The following PCDHA7 variants were observed in gnomAD, a reference collection of about 807,000 sequenced individuals.
PCDHA7 encodes protocadherin alpha 7, also known as protocadherin alpha-7.
Under a neutral mutation model 57.2 loss-of-function variants are expected in PCDHA7, and 37 were observed. That is an observed-to-expected ratio of 0.65 (90% confidence interval 0.50 to 0.85). PCDHA7 has a LOEUF of 0.85. PCDHA7 is among the 40% of genes least tolerant of loss of function. PCDHA7 has a pLI of 0.00. For synonymous variants in PCDHA7, 553 were observed against 558.8 expected, an observed-to-expected ratio of 0.99 and a Z score of 0.15; for missense variants, 1,188 against 1,241.8, an observed-to-expected ratio of 0.96 and a Z score of 0.65.
rs200664126 is a variant in PCDHA7 at position 140,843,124 on chromosome 5, G to A, written c.2355+6386G>A. 390 of 1,595,868 alleles carry A rather than the reference G, an allele frequency of 2.4e-4. 33 individuals are homozygous for A. Among genetic ancestry groups the A allele is most frequent in the Non-Finnish European group, 2.8e-4 (332 of 1,165,564 alleles). ...AGGTGCGCGCAGTGGACGCCGACTCGGGCTACAACGCGTGGCTTTCGTATG... is the reference window on the plus strand; with the variant it reads ...AGGTGCGCGCAGTGGACGCCGACTCAGGCTACAACGCGTGGCTTTCGTATG... On this transcript the variant is annotated intron_variant, in intron 1 of 3. Coordinates refer to ENST00000525929, the MANE Select transcript of PCDHA7 (RefSeq NM_018910.3).
At chr5:140,945,393 T>G (rs2153669728) in intron 1 of PCDHA7, among the ~76,000 whole-genome samples, 1 of 152,208 alleles carries the variant, frequency 6.6e-6, no homozygotes, top group East Asian at 1.9e-4. Flanking sequence ...AATATACAAA[T>G]TCAATACAAT....
At chr5:141,002,456 A>G (rs2098081347) in intron 3 of PCDHA7, among the ~76,000 whole-genome samples, 1 of 152,242 alleles carries the variant, frequency 6.6e-6, no homozygotes, top group Non-Finnish European at 1.5e-5. Context: ...GCACATTTGT[A>G]TAACGCTTTA....
chr5:140,967,026 C>G, intron 1 of PCDHA7: 2 of 1,608,434 alleles, frequency 1.2e-6, no homozygotes, highest in East Asian at 4.5e-5. Flanking sequence ...GCGCCCAGTC[C>G]GCGCTACCTG....
intron 1 of PCDHA7, chr5:140,929,227 G>T (rs141300036): frequency 1.2e-6 from 2 of 1,613,774 alleles, no homozygotes; most frequent in Non-Finnish European, 1.7e-6. Context: ...CAATGCTGCC[G>T]ACCTGCGAAA....
At position 140,926,799 on chromosome 5, in the gene PCDHA7, T is replaced by G. The variant is rs561004739; in HGVS notation, c.2356-52150T>G. Reference sequence around the variant, plus strand: ...AGTGACGGCCGGCAGGAGCGTGCTCTTCCCCGCGGCTCGTGCTCTCCAGGA... The same window carrying G: ...AGTGACGGCCGGCAGGAGCGTGCTCGTCCCCGCGGCTCGTGCTCTCCAGGA... On this transcript the variant is annotated intron_variant, in intron 1 of 3. Transcript: ENST00000525929. The G allele has an allele frequency of 1.6e-4, 230 of 1,456,322 alleles. 2 individuals carry two copies. The African/African-American group carries it at 2.6e-3, about 16-fold the overall frequency. The allele number at this position is 1,456,322 out of a possible 1,614,324, so 90.2% of individuals were successfully genotyped here.
chr5:140,920,612 G>A (rs1389841013), intron 1 of PCDHA7, among the ~76,000 whole-genome samples: 3 of 152,092 alleles, frequency 2.0e-5, no homozygotes, highest in Non-Finnish European at 2.9e-5. Flanking sequence ...TTGGGAGGCC[G>A]AGGCGGATGG....
At chr5:140,969,253 C>T in intron 1 of PCDHA7, 3 of 1,614,202 alleles carry the variant, frequency 1.9e-6, no homozygotes, top group Non-Finnish European at 2.5e-6. Flanking sequence ...TGACTGACAG[C>T]AGGAATCTCA....
At chr5:140,959,935 T>C (rs2095518080) in intron 1 of PCDHA7, among the ~76,000 whole-genome samples, 2 of 152,178 alleles carry the variant, frequency 1.3e-5, no homozygotes, top group African/African-American at 4.8e-5. Context: ...CCCCATTACT[T>C]AGGCAGAATA....
At chr5:140,863,774 G>A (rs1581698877) in intron 1 of PCDHA7, 2 of 239,304 alleles carry the variant, frequency 8.4e-6, no homozygotes, top group African/African-American at 2.2e-5. Context: ...CGAGGCGGGC[G>A]GATCACTCGA....
intron 1 of PCDHA7, among the ~76,000 whole-genome samples, chr5:140,915,139 G>C (rs2153533338): frequency 6.6e-6 from 1 of 151,944 alleles, no homozygotes; most frequent in Non-Finnish European, 1.5e-5. Flanking sequence ...AGTAGAGACG[G>C]GGTTTCACCA....
chr5:140,942,448 A>C (rs140426253), intron 1 of PCDHA7, among the ~76,000 whole-genome samples: 3,563 of 152,146 alleles, frequency 0.023, 50 homozygotes, highest in Middle Eastern at 0.034. Flanking sequence ...CAAGTAAACT[A>C]TCAATTATAA....
At chr5:140,970,862 T>C (rs2153787404) in intron 1 of PCDHA7, among the ~76,000 whole-genome samples, 1 of 152,312 alleles carries the variant, frequency 6.6e-6, no homozygotes, top group South Asian at 2.1e-4. Flanking sequence ...GTTCCATTCC[T>C]GATTGAGAGT....
At chr5:140,947,854 A>G (rs2094183959) in intron 1 of PCDHA7, among the ~76,000 whole-genome samples, 1 of 151,504 alleles carries the variant, frequency 6.6e-6, no homozygotes, top group Non-Finnish European at 1.5e-5. Context: ...TTATTTTGTC[A>G]TTATAATGGC....
chr5:140,917,359 A>G (rs2078164580), intron 1 of PCDHA7, among the ~76,000 whole-genome samples: 3 of 142,606 alleles, frequency 2.1e-5, no homozygotes, highest in South Asian at 2.2e-4. Flanking sequence ...CTTCTGTTCC[A>G]CTATCTTGCT....
intron 1 of PCDHA7, chr5:140,875,191 C>A: frequency 4.0e-6 from 2 of 502,492 alleles, no homozygotes; most frequent in Non-Finnish European, 6.4e-6. Flanking sequence ...TAAGAGTGAC[C>A]CAGGAAGTGG....
intron 1 of PCDHA7, chr5:140,876,201 T>C: frequency 1.9e-6 from 3 of 1,613,952 alleles, no homozygotes; most frequent in Non-Finnish European, 1.7e-6. Flanking sequence ...CGGCGTTTGA[T>C]AAGCCCAGCT....
intron 1 of PCDHA7, chr5:140,865,758 G>A (rs2048989245): frequency 6.6e-6 from 1 of 152,150 alleles, no homozygotes; most frequent in African/African-American, 2.4e-5. Flanking sequence ...CCAGTACATG[G>A]TGGAGATATT....
At chr5:140,897,009 A>G (rs550757061) in intron 1 of PCDHA7, among the ~76,000 whole-genome samples, 6 of 152,292 alleles carry the variant, frequency 3.9e-5, no homozygotes, top group African/African-American at 9.6e-5. Context: ...ATTTTTAAAT[A>G]TACAACTAAA....
At chr5:140,987,451 T>G (rs1481665271) in intron 3 of PCDHA7, among the ~76,000 whole-genome samples, 2 of 152,108 alleles carry the variant, frequency 1.3e-5, no homozygotes, top group African/African-American at 4.8e-5. Flanking sequence ...GCCCGAGAGA[T>G]AATTGTTAAG....
Sources: gnomAD v4.1 joint callset for allele counts (sites outside exome capture counted in the v4.1 genomes callset) on GRCh38, gnomAD v4.1.1 for gene constraint, MANE v1.5 for transcripts, NCBI Gene and HGNC (gene_info 2026-07-23, HGNC 2026-07-21) for gene names.